The following IQGAP1 variants were observed in gnomAD, a reference collection of about 807,000 sequenced individuals.
IQGAP1 encodes the protein IQ motif containing GTPase activating protein 1.
Under a neutral mutation model 215.6 loss-of-function variants are expected in IQGAP1, and 66 were observed. The observed-to-expected ratio is 0.31, with a 90% CI of 0.25 to 0.38. The LOEUF (loss-of-function observed/expected upper bound fraction) is 0.38, where lower values mean the gene tolerates loss of function less well. Among genes scored for constraint, IQGAP1 ranks in the 10% least tolerant of loss-of-function variants. The pLI, the probability that IQGAP1 is intolerant of heterozygous loss-of-function variation, is 1.00. For missense variants in IQGAP1, 1,712 were observed against 1,997.1 expected (o/e 0.86, Z 2.72); for synonymous variants, 772 against 728.7 (o/e 1.06, Z -0.96).
At chr15:90,429,705 C>T (rs768831292) in intron 4 of IQGAP1, 39 bp downstream of exon 4, 2 of 1,360,770 alleles carry the variant, frequency 1.5e-6, no homozygotes, top group South Asian at 2.5e-5. Flanking sequence ...TTTGTTCCAG[C>T]TGTTGTGGCA....
intron 34 of IQGAP1, among the ~76,000 whole-genome samples, chr15:90,492,240 G>T (rs1340448518): frequency 6.6e-6 from 1 of 152,132 alleles, no homozygotes; most frequent in East Asian, 1.9e-4. Flanking sequence ...AAGGCAGGAG[G>T]ATCGCTTGAG....
chr15:90,486,596 G>A (rs11073928), intron 31 of IQGAP1: 33,385 of 192,374 alleles, frequency 0.17, 4,051 homozygotes, highest in African/African-American at 0.37. Flanking sequence ...GTCTCACTAT[G>A]TTGCCCAGGC....
chr15:90,476,178 C>T (rs1965977166), intron 23 of IQGAP1, among the ~76,000 whole-genome samples: 1 of 152,112 alleles, frequency 6.6e-6, no homozygotes, highest in African/African-American at 2.4e-5. Flanking sequence ...AGGTGATCCT[C>T]CTGCCTCAGC....
chr15:90,439,290 C>T, intron 5 of IQGAP1, 42 bp from the exon 6 acceptor site: 2 of 1,538,796 alleles, frequency 1.3e-6, no homozygotes, highest in Non-Finnish European at 1.8e-6. Context: ...GGCAGCTAGG[C>T]ACAGCTGGGA....
intron 9 of IQGAP1, among the ~76,000 whole-genome samples, chr15:90,446,742 C>T (rs891983868): frequency 6.6e-6 from 1 of 152,024 alleles, no homozygotes; most frequent in African/African-American, 2.4e-5. Flanking sequence ...TGATGCTGCC[C>T]CAGGAGAAAG....
chr15:90,448,458 G>A, intron 9 of IQGAP1, 115 bp from the exon 10 acceptor site: 1 of 890,484 alleles, frequency 1.1e-6, no homozygotes, highest in Non-Finnish European at 1.6e-6. Context: ...CAGAGTAAAG[G>A]CTCTCTGAGT....
intron 11 of IQGAP1, among the ~76,000 whole-genome samples, chr15:90,450,229 G>C (rs977601636): frequency 1.3e-5 from 2 of 149,356 alleles, no homozygotes; most frequent in African/African-American, 4.9e-5. Flanking sequence ...ATATGAGTGA[G>C]ATCAGGAGGT....
intron 2 of IQGAP1, among the ~76,000 whole-genome samples, chr15:90,395,384 T>G (rs763392479): frequency 2.0e-5 from 3 of 151,992 alleles, no homozygotes; most frequent in Non-Finnish European, 2.9e-5. Flanking sequence ...GCAATGACGC[T>G]ATCTCGGCTC....
chr15:90,454,586 C>A, intron 14 of IQGAP1, 34 bp downstream of exon 14: 1 of 1,510,338 alleles, frequency 6.6e-7, no homozygotes, highest in South Asian at 1.3e-5. Context: ...CAAATAATGT[C>A]ACCATTAATG....
chr15:90,408,034 G>A (rs1288535169), intron 2 of IQGAP1, among the ~76,000 whole-genome samples: 1 of 152,166 alleles, frequency 6.6e-6, no homozygotes, highest in Non-Finnish European at 1.5e-5. Flanking sequence ...TTTATGGCTG[G>A]GTTTTTCAGG....
At chr15:90,456,374 G>A in intron 15 of IQGAP1, 59 bp downstream of exon 15, 2 of 1,538,786 alleles carry the variant, frequency 1.3e-6, no homozygotes, top group Non-Finnish European at 1.8e-6. Context: ...CTAGAACAAA[G>A]GTAGAGGTAG....
intron 2 of IQGAP1, among the ~76,000 whole-genome samples, chr15:90,400,246 T>G (rs1276659482): frequency 6.6e-6 from 1 of 152,234 alleles, no homozygotes; most frequent in Non-Finnish European, 1.5e-5. Flanking sequence ...ATGGCTCTTC[T>G]TCATTTTGTT....
chr15:90,426,202 A>G lies in IQGAP1; in HGVS notation c.248A>G (p.Asn83Ser). The stretch of plus-strand genomic sequence containing the variant: ...GGGGTCTACCTTGCCAAACTGGGGA[A>G]CTTCTTCTCTCCCAAAGTAGTGTCC... ...RNGVYLAKLG[N>S]FFSPKVVSLK... is the part of the protein sequence containing the mutation. Residue 83 changes from asparagine (N) to serine (S), a missense_variant, in exon 3 of 38, where the codon AAC becomes AGC. Around this residue, in one of 2 missense-constraint regions of IQGAP1, gnomAD observed 1,021 missense variants for 1,074.2 expected, o/e 0.95. Coordinates refer to ENST00000268182, the MANE Select transcript of IQGAP1 (RefSeq NM_003870.4). 6.2e-7 allele frequency: 1 copy of G among 1,603,140 alleles called. No individual in the cohort carries two copies. The highest frequency in any genetic ancestry group is 8.5e-7 in the Non-Finnish European group (1 of 1,176,528).
chr15:90,390,712 A>G (rs1249247947), intron 1 of IQGAP1, 62 bp from the exon 2 acceptor site: 17 of 1,144,736 alleles, frequency 1.5e-5, no homozygotes, highest in Non-Finnish European at 2.1e-5. Flanking sequence ...TTCTGTGGCA[A>G]TCTTTTATCA....
intron 2 of IQGAP1, among the ~76,000 whole-genome samples, chr15:90,407,348 T>C (rs976793325): frequency 6.6e-6 from 1 of 152,232 alleles, no homozygotes; most frequent in Non-Finnish European, 1.5e-5. Flanking sequence ...GCTCAACCTT[T>C]CATCTAGTTT....
rs1415225548 is a variant in IQGAP1, at chr15:90,451,513, C to T, written c.1163-1262C>T. Among the ~76,000 whole-genome samples the T allele has an allele frequency of 2.0e-5, 3 of 152,158 alleles. No individual in the cohort carries two copies. In the East Asian group the frequency reaches 5.8e-4, roughly 29 times the overall value. On this transcript the variant is annotated intron_variant, in intron 11 of 37. Transcript: ENST00000268182. The stretch of plus-strand genomic sequence containing the variant: ...GAACCAATCCAATCTTGCAAGAGCT[C>T]ACTACCATGAGAATGGCACAAAGCC...
intron 5 of IQGAP1, among the ~76,000 whole-genome samples, chr15:90,435,819 T>G (rs1014892866): frequency 1.3e-5 from 2 of 152,224 alleles, no homozygotes; most frequent in Non-Finnish European, 2.9e-5. Context: ...TTAGAAAGTA[T>G]ATATAGAGCA....
Position 90,418,893 on chromosome 15 carries a change from T to A in IQGAP1, c.156-7217T>A, listed in dbSNP as rs912120674. Among the ~76,000 whole-genome samples the A allele has an allele frequency of 1.4e-3, 210 of 152,154 alleles. 2 individuals are homozygous for A. Among genetic ancestry groups the A allele is most frequent in the Non-Finnish European group, 1.8e-4 (12 of 68,018 alleles). On this transcript the variant is annotated intron_variant, in intron 2 of 37. Coordinates refer to ENST00000268182, the MANE Select transcript of IQGAP1 (RefSeq NM_003870.4). The stretch of plus-strand genomic sequence containing the variant: ...ACTGGTTCGTGGCTCACGCCTGTAA[T>A]CCCAGCACTTTGGGAGGGTAAGGCA...
intron 8 of IQGAP1, among the ~76,000 whole-genome samples, chr15:90,442,271 A>G (rs567637830): frequency 6.6e-6 from 1 of 152,274 alleles, no homozygotes; most frequent in East Asian, 1.9e-4. Flanking sequence ...AGCCTGGCCA[A>G]CATGGCGAAA....
Sources: gnomAD v4.1 joint callset for allele counts (sites outside exome capture counted in the v4.1 genomes callset) on GRCh38, gnomAD v4.1.1 for gene constraint, gnomAD v4.1.1 regional missense constraint, MANE v1.5 for transcripts, NCBI Gene and HGNC (gene_info 2026-07-23, HGNC 2026-07-21) for gene names.